The following TENM4 variants were observed in gnomAD, a reference collection of about 807,000 sequenced individuals.
TENM4 encodes teneurin transmembrane protein 4, also known as teneurin-4.
Under a neutral mutation model 243.3 loss-of-function variants are expected in TENM4, and 82 were observed. The ratio of observed to expected loss-of-function variants is 0.34; its 90% CI spans 0.28 to 0.40. The LOEUF is 0.40. Ranked by LOEUF, TENM4 falls within the 10% of genes least tolerant of loss-of-function variation. The pLI, the probability that TENM4 is intolerant of heterozygous loss-of-function variation, is 1.00. For missense variants in TENM4, 3,138 were observed against 3,673.3 expected (o/e 0.85, Z 3.77); for synonymous variants, 1,412 against 1,456.3 (o/e 0.97, Z 0.69).
At chr11:79,356,863 G>A (rs1224499925) in intron 1 of TENM4, among the ~76,000 whole-genome samples, 4 of 152,032 alleles carry the variant, frequency 2.6e-5, no homozygotes, top group Admixed American at 6.5e-5. Context: ...CTCAGCAATC[G>A]TTTCCACACT....
chr11:78,721,546 C>T (rs993994107), intron 24 of TENM4, among the ~76,000 whole-genome samples: 21 of 152,194 alleles, frequency 1.4e-4, no homozygotes, highest in Non-Finnish European at 2.2e-4. Context: ...TCTCTGGATT[C>T]GGGTCCACCA....
intron 3 of TENM4, among the ~76,000 whole-genome samples, chr11:79,175,199 T>C (rs1863133941): frequency 1.3e-5 from 2 of 152,168 alleles, no homozygotes; most frequent in South Asian, 4.1e-4. Context: ...AGCAAAAACC[T>C]GTAAAAATGT....
At chr11:79,245,938 T>TAAAAAAAAAAAAAA (rs1199883938) in intron 2 of TENM4, among the ~76,000 whole-genome samples, 5 of 64,908 alleles carry the variant, frequency 7.7e-5, no homozygotes, top group African/African-American at 2.7e-4. Context: ...AGACTTTGTC[T>TAAAAAAAAAAAAAA]AAAAAAAAAA....
At chr11:78,846,192 G>C (rs1858389068) in intron 12 of TENM4, among the ~76,000 whole-genome samples, 1 of 152,218 alleles carries the variant, frequency 6.6e-6, no homozygotes, top group South Asian at 2.1e-4. Flanking sequence ...ATTAGCATTA[G>C]ATCTCTGAGC....
intron 6 of TENM4, among the ~76,000 whole-genome samples, chr11:78,935,128 C>T (rs1056328724): frequency 2.6e-4 from 39 of 150,668 alleles, no homozygotes; most frequent in African/African-American, 8.8e-4. Flanking sequence ...TCTCCTGCCT[C>T]AGCCTCCCGA....
chr11:79,061,806 T>C (rs1463543342), intron 6 of TENM4, among the ~76,000 whole-genome samples: 1 of 152,192 alleles, frequency 6.6e-6, no homozygotes, highest in African/African-American at 2.4e-5. Context: ...GCTTGCTGTG[T>C]GACCTATGCA....
chr11:79,329,961 C>T (rs1404770672), intron 1 of TENM4, among the ~76,000 whole-genome samples: 2 of 152,092 alleles, frequency 1.3e-5, no homozygotes, highest in African/African-American at 4.8e-5. Flanking sequence ...CTGAGCAGAA[C>T]CTGCTGAGAA....
intron 2 of TENM4, among the ~76,000 whole-genome samples, chr11:79,223,648 C>T (rs1369643518): frequency 2.0e-5 from 3 of 152,164 alleles, no homozygotes; most frequent in Non-Finnish European, 4.4e-5. Context: ...AGTCCCTGGC[C>T]ATTCTCACCC....
chr11:78,705,003 C>T (rs1046901509), intron 27 of TENM4, among the ~76,000 whole-genome samples: 2 of 152,206 alleles, frequency 1.3e-5, no homozygotes, highest in Non-Finnish European at 2.9e-5. Context: ...CCTGCAAACT[C>T]GCCAGGGCCG....
At chr11:78,907,963 T>C (rs911074560) in intron 6 of TENM4, among the ~76,000 whole-genome samples, 20 of 152,156 alleles carry the variant, frequency 1.3e-4, no homozygotes, top group African/African-American at 3.6e-4. Flanking sequence ...CTTACCTGAG[T>C]TTTGCAAGCC....
At chr11:79,292,846 TTAAAA>T (rs1456979543) in intron 2 of TENM4, among the ~76,000 whole-genome samples, 7 of 152,252 alleles carry the variant, frequency 4.6e-5, no homozygotes, top group Non-Finnish European at 1.0e-4. Flanking sequence ...GCTTTGAGAA[TTAAAA>T]TAATATATAT....
chr11:79,082,410 G>T (rs982728489), intron 4 of TENM4, among the ~76,000 whole-genome samples: 6 of 152,190 alleles, frequency 3.9e-5, no homozygotes, highest in African/African-American at 1.4e-4. Context: ...TTGGGGGGTT[G>T]TGACTGGCAG....
intron 1 of TENM4, among the ~76,000 whole-genome samples, chr11:79,435,609 G>C (rs2135622545): frequency 6.6e-6 from 1 of 152,326 alleles, no homozygotes; most frequent in South Asian, 2.1e-4. Context: ...GGATGTGGGA[G>C]AAGTTACTGG....
At chr11:79,243,388 CT>C (rs1246620515) in intron 2 of TENM4, among the ~76,000 whole-genome samples, 3 of 152,170 alleles carry the variant, frequency 2.0e-5, no homozygotes, top group Non-Finnish European at 4.4e-5. Flanking sequence ...GAGCAACTCT[CT>C]TTCTGAATTT....
chr11:79,399,854 T>C lies in TENM4; in HGVS notation c.-321+40655A>G, dbSNP rs546094737. On this transcript the variant is annotated intron_variant, in intron 1 of 33. Coordinates refer to ENST00000278550, the MANE Select transcript of TENM4 (RefSeq NM_001098816.3). ...GTTATAAAACCTTCCTTGTCGGTGT[T>C]GTTGTGCGGATTAAGTGGAATCATG... Among the ~76,000 whole-genome samples the C allele has an allele frequency of 1.6e-4, 24 of 152,222 alleles. 1 individual carries two copies. In the South Asian group the frequency reaches 5.0e-3, roughly 32 times the overall value.
At chr11:79,373,528 G>A (rs1857830620) in intron 1 of TENM4, among the ~76,000 whole-genome samples, 1 of 152,124 alleles carries the variant, frequency 6.6e-6, no homozygotes, top group African/African-American at 2.4e-5. Flanking sequence ...ATACATGGGT[G>A]GGTGGGTGGA....
At chr11:79,198,853 C>T (rs1863687294) in intron 3 of TENM4, among the ~76,000 whole-genome samples, 1 of 152,020 alleles carries the variant, frequency 6.6e-6, no homozygotes, top group Admixed American at 6.5e-5. Flanking sequence ...AGCACGGGGA[C>T]TAGGAGAAAG....
At chr11:79,290,039 G>T (rs183860510) in intron 2 of TENM4, among the ~76,000 whole-genome samples, 1,914 of 151,544 alleles carry the variant, frequency 0.013, 57 homozygotes, top group African/African-American at 0.045. Flanking sequence ...CAGGTGATCC[G>T]CCCACCTCAG....
chr11:78,701,776 T>C lies in TENM4; in HGVS notation c.4837A>G (p.Thr1613Ala). The C allele has an allele frequency of 6.2e-7, 1 of 1,613,922 alleles. No individual in the cohort carries two copies. Among genetic ancestry groups the C allele is most frequent in the Non-Finnish European group, 8.5e-7 (1 of 1,179,874 alleles). The change falls in exon 28 of 34, where the codon ACT becomes GCT. Residue 1613 changes from threonine (T) to alanine (A), a missense_variant. Physicochemically the swap from Thr to Ala is moderately conservative, Grantham distance 58. Transcript: ENST00000278550. Reference sequence around the variant, plus strand: ...ATGAGTGTGATGTCGCCGTCCCCAGTGTAGGTGAAGTTGTACAGGTAGTCT... The same window carrying C: ...ATGAGTGTGATGTCGCCGTCCCCAGCGTAGGTGAAGTTGTACAGGTAGTCT... ...TGDYLYNFTY[T>A]GDGDITLITD...
Sources: allele counts gnomAD v4.1 joint callset (sites outside exome capture counted in the v4.1 genomes callset), GRCh38; gene constraint gnomAD v4.1.1; transcripts MANE v1.5; gene names NCBI Gene and HGNC (gene_info 2026-07-23, HGNC 2026-07-21).